The following NALF1 variants were observed in gnomAD, a reference collection of about 807,000 sequenced individuals.
NALF1 encodes family with sequence similarity 155 member A.
Under a neutral mutation model 48.4 loss-of-function variants are expected in NALF1, and 3 were observed. That is an observed-to-expected ratio of 0.06 (90% CI 0.03 to 0.16). NALF1 has a LOEUF of 0.16. Ranked by LOEUF, NALF1 falls within the 10% of genes least tolerant of loss-of-function variation. NALF1 has a pLI of 1.00. For missense variants in NALF1, 526 were observed against 571.5 expected (o/e 0.92, Z 0.81); for synonymous variants, 262 against 245.7 (o/e 1.07, Z -0.62).
chr13:107,348,579 G>A (rs1882815594), intron 1 of NALF1, among the ~76,000 whole-genome samples: 1 of 151,992 alleles, frequency 6.6e-6, no homozygotes, highest in Non-Finnish European at 1.5e-5. Context: ...TTGTCCGAAT[G>A]CTCTCCCTCC....
chr13:107,425,934 CT>C (rs1884271897), intron 1 of NALF1, among the ~76,000 whole-genome samples: 2 of 152,132 alleles, frequency 1.3e-5, no homozygotes, highest in African/African-American at 4.8e-5. Context: ...TTAAATGTCT[CT>C]GTACTATGAT....
chr13:107,442,677 T>C (rs915641057), intron 1 of NALF1, among the ~76,000 whole-genome samples: 5 of 152,196 alleles, frequency 3.3e-5, no homozygotes, highest in African/African-American at 1.2e-4. Flanking sequence ...TTTAAAAACT[T>C]TTTTAAGGAG....
intron 1 of NALF1, among the ~76,000 whole-genome samples, chr13:107,494,200 A>G (rs1461816825): frequency 7.2e-6 from 1 of 138,514 alleles, no homozygotes; most frequent in African/African-American, 3.5e-5. Context: ...TGAAACCGGT[A>G]GGCGAAAATT....
intron 1 of NALF1, among the ~76,000 whole-genome samples, chr13:107,517,588 C>T (rs1004003473): frequency 3.9e-5 from 6 of 151,946 alleles, no homozygotes; most frequent in African/African-American, 7.2e-5. Context: ...GCCAAGATCG[C>T]GCCACTGCTG....
chr13:107,464,462 T>C (rs1376005693), intron 1 of NALF1, among the ~76,000 whole-genome samples: 1 of 152,198 alleles, frequency 6.6e-6, no homozygotes, highest in African/African-American at 2.4e-5. Flanking sequence ...GACTTTTATA[T>C]GGATTTTTTG....
At chr13:107,493,100 T>G (rs1265927313) in intron 1 of NALF1, among the ~76,000 whole-genome samples, 1 of 152,178 alleles carries the variant, frequency 6.6e-6, no homozygotes, top group Non-Finnish European at 1.5e-5. Context: ...CTTCTCATGA[T>G]AGCCCTGATA....
At chr13:107,565,064 GCA>G (rs1491108774) in intron 1 of NALF1, among the ~76,000 whole-genome samples, 2 of 13,422 alleles carry the variant, frequency 1.5e-4, no homozygotes, top group Admixed American at 9.8e-4. Flanking sequence ...GGTGATATCT[GCA>G]AAAAAAAAAA....
At chr13:107,281,629 G>T (rs1881389645) in intron 1 of NALF1, among the ~76,000 whole-genome samples, 2 of 152,140 alleles carry the variant, frequency 1.3e-5, no homozygotes, top group Admixed American at 1.3e-4. Context: ...CCATTGTCCT[G>T]ACTTCTTCGA....
intron 1 of NALF1, among the ~76,000 whole-genome samples, chr13:107,314,216 C>G (rs1245469810): frequency 6.6e-6 from 1 of 152,124 alleles, no homozygotes; most frequent in African/African-American, 2.4e-5. Flanking sequence ...CCATCGGCAT[C>G]CCATCCTAGA....
chr13:107,270,178 TA>T (rs2138862243), intron 1 of NALF1, among the ~76,000 whole-genome samples: 1 of 152,240 alleles, frequency 6.6e-6, no homozygotes, highest in African/African-American at 2.4e-5. Flanking sequence ...ATTCCAGGAA[TA>T]ATCAAGCTTT....
intron 1 of NALF1, among the ~76,000 whole-genome samples, chr13:107,212,709 T>C (rs1879787487): frequency 6.6e-6 from 1 of 152,242 alleles, no homozygotes; most frequent in Admixed American, 6.5e-5. Flanking sequence ...TTATGTAAAC[T>C]AAGCTGTAGT....
chr13:107,764,478 G>A (rs1400832726), intron 1 of NALF1, among the ~76,000 whole-genome samples: 2 of 152,078 alleles, frequency 1.3e-5, no homozygotes, highest in East Asian at 1.9e-4. Context: ...GAGAGAGAAA[G>A]GAAGACTTCG....
At chr13:107,821,943 C>G (rs538179433) in intron 1 of NALF1, among the ~76,000 whole-genome samples, 1 of 152,072 alleles carries the variant, frequency 6.6e-6, no homozygotes, top group East Asian at 1.9e-4. Context: ...ACAATATAAT[C>G]CCCAAAATAA....
chr13:107,834,189 T>C (rs1405022979), intron 1 of NALF1, among the ~76,000 whole-genome samples: 2 of 152,194 alleles, frequency 1.3e-5, no homozygotes, highest in African/African-American at 2.4e-5. Context: ...AGAACATGCA[T>C]AGGTTAGATG....
intron 1 of NALF1, among the ~76,000 whole-genome samples, chr13:107,764,410 G>A (rs1298606442): frequency 6.6e-6 from 1 of 152,090 alleles, no homozygotes; most frequent in Non-Finnish European, 1.5e-5. Context: ...ATATGTGTGT[G>A]TATATATAAC....
At chr13:107,837,918 A>AT (rs1270192645) in intron 1 of NALF1, among the ~76,000 whole-genome samples, 2 of 142,730 alleles carry the variant, frequency 1.4e-5, no homozygotes, top group East Asian at 5.7e-4. Context: ...CAGTATACAG[A>AT]TTAAAAAAAA....
At chr13:107,467,295 A>G (rs1051414074) in intron 1 of NALF1, among the ~76,000 whole-genome samples, 2 of 152,200 alleles carry the variant, frequency 1.3e-5, no homozygotes, top group Middle Eastern at 3.2e-3. Flanking sequence ...AATCTGTCCG[A>G]TTTTGGCACC....
chr13:107,302,960 C>G (rs1243140594), intron 1 of NALF1, among the ~76,000 whole-genome samples: 1 of 152,194 alleles, frequency 6.6e-6, no homozygotes. Flanking sequence ...GGCTTTCAGG[C>G]TGTAGTTTGC....
Position 107,866,228 on chromosome 13 carries a change from G to A in NALF1, c.369C>T (p.Leu123=). 1 of 1,595,714 alleles carries A rather than the reference G, an allele frequency of 6.3e-7. No homozygotes were observed. The highest frequency in any genetic ancestry group is 8.5e-7 in the Non-Finnish European group (1 of 1,172,270). ...GCAGGGTGGGGGACGAGGAGGCGGA[G>A]AGGAGTCTGTGTGCCTGGGCGGCGG... ...SSPAAQAHRL[L]SASSSPTLPP... Residue 123 remains leucine (L), a synonymous_variant, in exon 1 of 3, where the codon CTC becomes CTT. Transcript: ENST00000375915. This position sits in a 1 kb window ranked among gnomAD's most constrained non-coding sequence, Gnocchi z 4.4.
Sources: gnomAD v4.1 joint callset for allele counts (sites outside exome capture counted in the v4.1 genomes callset) on GRCh38, gnomAD v4.1.1 for gene constraint, Gnocchi (gnomAD v3.1) non-coding constraint, MANE v1.5 for transcripts, NCBI Gene and HGNC (gene_info 2026-07-23, HGNC 2026-07-21) for gene names.